SPMIP3: variants seen among roughly 807,000 people sequenced by gnomAD.
SPMIP3 encodes the protein protein SPMIP3.
At chr1:244,353,074 C>T in the SPMIP3 span, among the ~76,000 whole-genome samples, 3 of 152,106 alleles carry the variant, frequency 2.0e-5, no homozygotes, top group African/African-American at 7.2e-5. Context: ...GTTAGCTGAT[C>T]GATTGATTTA....
At chr1:244,389,129 A>G in the SPMIP3 span, 1 of 1,251,190 alleles carries the variant, frequency 8.0e-7, no homozygotes, top group African/African-American at 1.5e-5. Context: ...AGACTAAGTT[A>G]ATGGCAGCAG....
chr1:244,384,314 C>G, the SPMIP3 span, among the ~76,000 whole-genome samples: 29 of 152,290 alleles, frequency 1.9e-4, no homozygotes, highest in African/African-American at 7.0e-4. Context: ...AGTGATCCTC[C>G]TCCCTCAGCC....
the SPMIP3 span, among the ~76,000 whole-genome samples, chr1:244,360,606 G>A: frequency 5.3e-5 from 8 of 150,350 alleles, no homozygotes; most frequent in Non-Finnish European, 8.9e-5. Flanking sequence ...GAAATCGGTC[G>A]GGCAGAGTGA....
At chr1:244,366,655 G>T in the SPMIP3 span, among the ~76,000 whole-genome samples, 1 of 152,132 alleles carries the variant, frequency 6.6e-6, no homozygotes, top group Non-Finnish European at 1.5e-5. Flanking sequence ...CAAGGCGGGT[G>T]GATCACTTGA....
At chr1:244,362,111 TG>T in the SPMIP3 span, among the ~76,000 whole-genome samples, 2 of 152,244 alleles carry the variant, frequency 1.3e-5, no homozygotes, top group East Asian at 3.8e-4. Context: ...AGTGTAATGC[TG>T]TTTAAAATCT....
the SPMIP3 span, among the ~76,000 whole-genome samples, chr1:244,367,685 A>T: frequency 2.0e-5 from 3 of 152,196 alleles, no homozygotes. Context: ...TGCTGTGCTC[A>T]GTTCCACCCA....
the SPMIP3 span, among the ~76,000 whole-genome samples, chr1:244,376,108 G>C: frequency 9.2e-5 from 14 of 152,144 alleles, 1 homozygote; most frequent in East Asian, 2.5e-3. Flanking sequence ...GAGGTGGGTG[G>C]GTATTCTCAA....
the SPMIP3 span, among the ~76,000 whole-genome samples, chr1:244,385,342 T>G: frequency 6.6e-6 from 1 of 152,224 alleles, no homozygotes; most frequent in Non-Finnish European, 1.5e-5. Context: ...TCAGTTAAAA[T>G]TATTTCTCAG....
the SPMIP3 span, among the ~76,000 whole-genome samples, chr1:244,354,238 C>G: frequency 2.0e-5 from 3 of 152,034 alleles, no homozygotes; most frequent in South Asian, 6.2e-4. Flanking sequence ...CTTCTCTGGA[C>G]AGATTAATTA....
chr1:244,362,743 T>C, the SPMIP3 span, among the ~76,000 whole-genome samples: 1 of 152,056 alleles, frequency 6.6e-6, no homozygotes. Context: ...ACATAATAGA[T>C]ATGCAGAGTG....
At chr1:244,380,834 G>A in the SPMIP3 span, among the ~76,000 whole-genome samples, 3 of 152,130 alleles carry the variant, frequency 2.0e-5, no homozygotes, top group Admixed American at 6.6e-5. Flanking sequence ...GAAAAGGGAG[G>A]GAGAGGTGGA....
At chr1:244,370,735 A>G in the SPMIP3 span, among the ~76,000 whole-genome samples, 1 of 152,188 alleles carries the variant, frequency 6.6e-6, no homozygotes, top group African/African-American at 2.4e-5. Flanking sequence ...AATTCTTATT[A>G]AAACAAATCA....
the SPMIP3 span, chr1:244,364,831 A>G: frequency 6.4e-6 from 9 of 1,416,138 alleles, no homozygotes; most frequent in Non-Finnish European, 9.0e-6. Flanking sequence ...AGAATTGCAC[A>G]TCCTGCTGCT....
At chr1:244,385,596 C>T in the SPMIP3 span, among the ~76,000 whole-genome samples, 1 of 152,078 alleles carries the variant, frequency 6.6e-6, no homozygotes, top group Non-Finnish European at 1.5e-5. Flanking sequence ...GCTCTCTGAC[C>T]CTCAATATTC....
the SPMIP3 span, among the ~76,000 whole-genome samples, chr1:244,377,976 T>C: frequency 1.3e-5 from 2 of 152,106 alleles, no homozygotes; most frequent in Non-Finnish European, 2.9e-5. Flanking sequence ...TGGCTAATTT[T>C]TGTATTTTTT....
the SPMIP3 span, among the ~76,000 whole-genome samples, chr1:244,381,689 G>A: frequency 6.6e-6 from 1 of 152,230 alleles, no homozygotes; most frequent in Non-Finnish European, 1.5e-5. Context: ...CTAGCCCTTT[G>A]CAAGGCCGAA....
At chr1:244,356,181 A>G in the SPMIP3 span, among the ~76,000 whole-genome samples, 1 of 152,202 alleles carries the variant, frequency 6.6e-6, no homozygotes, top group African/African-American at 2.4e-5. Flanking sequence ...ATGAGTAGTG[A>G]GAGTAAACAT....
chr1:244,372,559 C>T, the SPMIP3 span, among the ~76,000 whole-genome samples: 16 of 152,136 alleles, frequency 1.1e-4, no homozygotes, highest in East Asian at 1.2e-3. Flanking sequence ...TTCTCCTGCC[C>T]CAGCCTCCCA....
the SPMIP3 span, among the ~76,000 whole-genome samples, chr1:244,363,107 G>A: frequency 2.0e-5 from 3 of 151,498 alleles, no homozygotes; most frequent in Non-Finnish European, 2.9e-5. Flanking sequence ...ATATTCTCCA[G>A]TAAATAATCA....
Sources: allele counts gnomAD v4.1 joint callset (sites outside exome capture counted in the v4.1 genomes callset), GRCh38; gene constraint gnomAD v4.1.1; transcripts MANE v1.5; gene names NCBI Gene and HGNC (gene_info 2026-07-23, HGNC 2026-07-21).